Variants in PTPRK observed in about 807,000 individuals in gnomAD.
PTPRK encodes the protein protein tyrosine phosphatase receptor type K.
A neutral mutation model predicts 178.0 loss-of-function variants in PTPRK; 75 were observed. The observed-to-expected ratio is 0.42, with a 90% CI of 0.35 to 0.51. The LOEUF (loss-of-function observed/expected upper bound fraction) is 0.51, where lower values mean the gene tolerates loss of function less well. Ranked by LOEUF, PTPRK falls within the 20% of genes least tolerant of loss-of-function variation. The pLI is 0.02. For synonymous variants in PTPRK, 637 were observed against 620.6 expected (o/e 1.03, Z -0.39); for missense variants, 1,441 against 1,797.8 (o/e 0.80, Z 3.59).
In PTPRK at chr6:128,278,667, A is replaced by G. The variant is rs191207976; in HGVS notation, c.496-36065T>C. ...CAAGGCCACTGGGCTTGGTCTTTAG[A>G]TTTAGTCTACTTATTATTTAATATT... is the stretch of plus-strand genomic sequence containing the variant. On this transcript the variant is annotated intron_variant, in intron 3 of 29. Transcript: ENST00000368226. 2.0e-3 allele frequency among the ~76,000 whole-genome samples: 301 copies of G among 152,314 alleles called. 1 individual carries two copies. Among genetic ancestry groups the G allele is most frequent in the Non-Finnish European group, 2.5e-3 (167 of 68,028 alleles).
intron 2 of PTPRK, among the ~76,000 whole-genome samples, chr6:128,345,287 T>C (rs925258534): frequency 2.0e-5 from 3 of 152,132 alleles, no homozygotes; most frequent in Non-Finnish European, 4.4e-5. Flanking sequence ...CAAAGAGAAT[T>C]ACACATTTAG....
chr6:128,188,734 C>A (rs1032683007), intron 6 of PTPRK, among the ~76,000 whole-genome samples: 2 of 152,206 alleles, frequency 1.3e-5, no homozygotes, highest in Non-Finnish European at 2.9e-5. Context: ...GAAGGCCGTA[C>A]TTCCTATAAA....
chr6:128,150,711 G>C (rs1478968491), intron 7 of PTPRK, among the ~76,000 whole-genome samples: 1 of 152,022 alleles, frequency 6.6e-6, no homozygotes, highest in Non-Finnish European at 1.5e-5. Context: ...TGTCCCAAGT[G>C]TCTAAGTATA....
At chr6:128,422,893 A>C (rs1843664385) in intron 1 of PTPRK, among the ~76,000 whole-genome samples, 1 of 152,216 alleles carries the variant, frequency 6.6e-6, no homozygotes, top group Non-Finnish European at 1.5e-5. Flanking sequence ...AAATAGGTTC[A>C]GCTATCTCTA....
chr6:128,138,154 C>T (rs564276434), intron 7 of PTPRK, among the ~76,000 whole-genome samples: 31 of 152,126 alleles, frequency 2.0e-4, no homozygotes, highest in African/African-American at 5.3e-4. Flanking sequence ...AAATAATCCA[C>T]GTGTTCTTGT....
At chr6:128,095,831 C>T (rs1787826941) in intron 7 of PTPRK, among the ~76,000 whole-genome samples, 1 of 152,182 alleles carries the variant, frequency 6.6e-6, no homozygotes, top group Non-Finnish European at 1.5e-5. Flanking sequence ...TATCTACAAA[C>T]AAAGGCATAA....
At chr6:128,425,320 G>A (rs976160319) in intron 1 of PTPRK, among the ~76,000 whole-genome samples, 4 of 151,792 alleles carry the variant, frequency 2.6e-5, no homozygotes, top group African/African-American at 7.3e-5. Flanking sequence ...CTGGTGATCC[G>A]CCTGCCTCAG....
At chr6:128,231,877 CT>C (rs1259147985) in intron 5 of PTPRK, among the ~76,000 whole-genome samples, 3 of 152,194 alleles carry the variant, frequency 2.0e-5, no homozygotes, top group African/African-American at 7.2e-5. Flanking sequence ...CTCACATCTT[CT>C]CAAATTCTAT....
At chr6:128,218,139 A>G (rs1410024372) in intron 6 of PTPRK, among the ~76,000 whole-genome samples, 15 of 152,146 alleles carry the variant, frequency 9.9e-5, no homozygotes, top group Admixed American at 9.8e-4. Context: ...AGCCCATACC[A>G]TGACTTGATA....
chr6:128,015,765 T>C (rs963613935), intron 13 of PTPRK, among the ~76,000 whole-genome samples: 4 of 151,748 alleles, frequency 2.6e-5, no homozygotes, highest in Non-Finnish European at 4.4e-5. Context: ...TGGCAAACTG[T>C]GGTCCCTGAG....
chr6:128,323,674 CTGAG>C (rs753274579), intron 2 of PTPRK, among the ~76,000 whole-genome samples: 40 of 152,148 alleles, frequency 2.6e-4, no homozygotes, highest in Non-Finnish European at 5.3e-4. Context: ...CCGATTGCCA[CTGAG>C]TGGTAGGTAG....
intron 7 of PTPRK, among the ~76,000 whole-genome samples, chr6:128,137,060 G>C (rs1274162253): frequency 6.6e-6 from 1 of 152,134 alleles, no homozygotes; most frequent in Non-Finnish European, 1.5e-5. Flanking sequence ...GGTTCCACTT[G>C]TGAGAGCTAT....
chr6:128,192,065 T>A (rs1487503768), intron 6 of PTPRK, among the ~76,000 whole-genome samples: 2 of 152,218 alleles, frequency 1.3e-5, no homozygotes, highest in Admixed American at 6.5e-5. Flanking sequence ...AATAGATATG[T>A]GTAAAGTAAT....
intron 2 of PTPRK, among the ~76,000 whole-genome samples, chr6:128,347,639 C>T (rs73772029): frequency 3.3e-5 from 5 of 152,126 alleles, no homozygotes; most frequent in East Asian, 1.9e-4. Context: ...GATAAATACA[C>T]GGTAAAGCAA....
Position 127,998,893 on chromosome 6 carries a change from T to C in PTPRK, c.2506A>G (p.Ser836Gly). Residue 836 changes from serine to glycine, a missense_variant, in exon 16 of 30, where the codon AGT (serine) becomes GGT (glycine). Transcript: ENST00000368226. ...AGGCGACTGGACTCTGCTGTAGCAC[T>C]GTGGTTCTCATCTGGCATTTTTCAG... ...HNFSPRYENH[S>G]ATAESSRLLD... The C allele has an allele frequency of 6.6e-7, 1 of 1,519,774 alleles. No homozygotes were observed. Among genetic ancestry groups the C allele is most frequent in the Non-Finnish European group, 8.9e-7 (1 of 1,128,276 alleles). 94.1% of individuals were successfully genotyped at this position (1,519,774 alleles called of 1,614,324 possible).
At chr6:128,497,577 G>C (rs971351825) in intron 1 of PTPRK, among the ~76,000 whole-genome samples, 1 of 152,090 alleles carries the variant, frequency 6.6e-6, no homozygotes, top group African/African-American at 2.4e-5. Flanking sequence ...AAGTGAGAGG[G>C]TCACCCATTT....
intron 12 of PTPRK, 24 bp from the exon 13 acceptor site, chr6:128,064,818 A>G (rs1781477162): frequency 1.3e-6 from 2 of 1,574,696 alleles, no homozygotes. Flanking sequence ...AATGAAAAAA[A>G]AAAGAGTCAA....
At chr6:128,186,971 C>A (rs554128766) in intron 6 of PTPRK, among the ~76,000 whole-genome samples, 5 of 152,112 alleles carry the variant, frequency 3.3e-5, no homozygotes, top group Non-Finnish European at 5.9e-5. Flanking sequence ...CATATACTAA[C>A]TAATTTAAGT....
chr6:128,088,096 C>T (rs775971043), intron 8 of PTPRK, among the ~76,000 whole-genome samples: 5 of 151,952 alleles, frequency 3.3e-5, no homozygotes, highest in East Asian at 1.9e-4. Context: ...AATGTAGCCC[C>T]GCTGGGCACA....
Sources: gnomAD v4.1 joint callset for allele counts (sites outside exome capture counted in the v4.1 genomes callset) on GRCh38, gnomAD v4.1.1 for gene constraint, MANE v1.5 for transcripts, NCBI Gene and HGNC (gene_info 2026-07-23, HGNC 2026-07-21) for gene names.